Variants in MIX23 observed in about 807,000 individuals in gnomAD.
MIX23 encodes the protein mitochondrial matrix import factor 23, also known as protein MIX23.
A neutral mutation model predicts 21.6 loss-of-function variants in MIX23; 13 were observed. That is an observed-to-expected ratio of 0.60 (90% CI 0.39 to 0.96). The LOEUF is 0.96. Among genes scored for constraint, MIX23 ranks in the 40% least tolerant of loss-of-function variants. MIX23 has a pLI of 0.00. For missense variants in MIX23, 144 were observed against 171.2 expected (o/e 0.84, Z 0.89); for synonymous variants, 59 against 58.0 (o/e 1.02, Z -0.08).
At chr3:122,373,276 G>T (rs1380208708) in intron 1 of MIX23, among the ~76,000 whole-genome samples, 1 of 145,190 alleles carries the variant, frequency 6.9e-6, no homozygotes, top group East Asian at 2.0e-4. Flanking sequence ...TGTCTTGAAA[G>T]TTTTTTTTTT....
At chr3:122,377,824 G>A (rs1272800391) in intron 1 of MIX23, among the ~76,000 whole-genome samples, 2 of 152,142 alleles carry the variant, frequency 1.3e-5, no homozygotes, top group East Asian at 1.9e-4. Flanking sequence ...TCCAGCCTTG[G>A]TGACTATGTC....
chr3:122,361,892 C>G (rs2075361407), intron 4 of MIX23, among the ~76,000 whole-genome samples: 1 of 152,220 alleles, frequency 6.6e-6, no homozygotes, highest in Non-Finnish European at 1.5e-5. Flanking sequence ...CCGGTACATT[C>G]TGGTTTTGGT....
chr3:122,380,066 T>C (rs2075518615), intron 1 of MIX23, among the ~76,000 whole-genome samples: 1 of 152,336 alleles, frequency 6.6e-6, no homozygotes, highest in Middle Eastern at 3.4e-3. Flanking sequence ...CTATAGTCTA[T>C]TCCTAAGATT....
At chr3:122,377,311 G>A (rs1475138579) in intron 1 of MIX23, among the ~76,000 whole-genome samples, 1 of 152,350 alleles carries the variant, frequency 6.6e-6, no homozygotes, top group Non-Finnish European at 1.5e-5. Context: ...GAGTAGAAGA[G>A]TGGAATAGAA....
At chr3:122,366,019 C>CA (rs926947400) in intron 3 of MIX23, among the ~76,000 whole-genome samples, 6 of 150,402 alleles carry the variant, frequency 4.0e-5, no homozygotes, top group Non-Finnish European at 7.4e-5. Flanking sequence ...ACTAAAAATA[C>CA]AAAAAAAAAT....
intron 4 of MIX23, among the ~76,000 whole-genome samples, chr3:122,361,947 T>C (rs2075361698): frequency 6.6e-6 from 1 of 152,244 alleles, no homozygotes; most frequent in Non-Finnish European, 1.5e-5. Flanking sequence ...AACATTCCAG[T>C]AGTTAAATTC....
chr3:122,369,542 C>T (rs2075423074), intron 2 of MIX23, among the ~76,000 whole-genome samples: 1 of 152,166 alleles, frequency 6.6e-6, no homozygotes, highest in African/African-American at 2.4e-5. Context: ...TGGCACAAAG[C>T]TACTTGAAAA....
At chr3:122,382,723 T>C (rs146776425) in intron 1 of MIX23, among the ~76,000 whole-genome samples, 56 of 152,332 alleles carry the variant, frequency 3.7e-4, no homozygotes, top group African/African-American at 1.3e-3. Flanking sequence ...CAAGCTTCCA[T>C]ACGTCCTGTC....
intron 1 of MIX23, among the ~76,000 whole-genome samples, chr3:122,380,631 C>A (rs1251198337): frequency 3.3e-5 from 5 of 152,066 alleles, no homozygotes; most frequent in Non-Finnish European, 4.4e-5. Flanking sequence ...AGAGACATGA[C>A]AAGAGGCACT....
chr3:122,373,753 T>C (rs1237503562), intron 1 of MIX23, among the ~76,000 whole-genome samples: 2 of 152,238 alleles, frequency 1.3e-5, no homozygotes. Context: ...AATTAGTGAA[T>C]TTAATGGCCT....
At position 122,378,930 on chromosome 3, in the gene MIX23, T is replaced by C. The variant is rs140484653; in HGVS notation, c.51+4244A>G. 2.6e-5 allele frequency among the ~76,000 whole-genome samples: 4 copies of C among 152,348 alleles called. No homozygotes were observed. The East Asian group carries it at 7.7e-4, about 29-fold the overall frequency. On this transcript the variant is annotated intron_variant, in intron 1 of 4. Transcript: ENST00000291458. ...ACATTTCAAGTATTCAAGAGCCACC[T>C]GTTGCTAGTGGCTATCATATGGAGA... is the stretch of plus-strand genomic sequence containing the variant.
intron 2 of MIX23, among the ~76,000 whole-genome samples, chr3:122,370,456 CAA>C (rs10660235): frequency 4.1e-5 from 2 of 48,270 alleles, no homozygotes; most frequent in East Asian, 1.2e-3. Context: ...GACACTGTCT[CAA>C]AAAAAAAAAA....
chr3:122,370,320 G>C (rs1052176177), intron 2 of MIX23, among the ~76,000 whole-genome samples: 3 of 151,966 alleles, frequency 2.0e-5, no homozygotes, highest in Non-Finnish European at 2.9e-5. Context: ...AGCCAGGCAT[G>C]GTAGCGTGTG....
At chr3:122,367,481 A>G (rs1289838232) in intron 3 of MIX23, among the ~76,000 whole-genome samples, 1 of 152,186 alleles carries the variant, frequency 6.6e-6, no homozygotes, top group African/African-American at 2.4e-5. Context: ...TCTACATTAT[A>G]GTTGATTTGG....
At position 122,375,436 on chromosome 3, in the gene MIX23, G is replaced by GGTGTTAGA. The variant is rs2075477809; in HGVS notation, c.52-3644_52-3637dup. Among the ~76,000 whole-genome samples the GGTGTTAGA allele has an allele frequency of 8.5e-5, 13 of 152,276 alleles. No individual in the cohort carries two copies. In the South Asian group the frequency reaches 2.7e-3, roughly 32 times the overall value. ...CATTGTCTGTATGTGGCAATAGTAT[G>GGTGTTAGA]GTGTTAGAAAGTTGTAATCTTTTGG... On this transcript the variant is annotated intron_variant, in intron 1 of 4. Coordinates refer to ENST00000291458, the MANE Select transcript of MIX23 (RefSeq NM_001017928.4).
chr3:122,362,813 A>ACCCCCCCC (rs2075368221), intron 4 of MIX23, among the ~76,000 whole-genome samples, 155 bp downstream of exon 4: 1 of 140,818 alleles, frequency 7.1e-6, no homozygotes, highest in Non-Finnish European at 1.5e-5. Context: ...CCTCCCCCCA[A>ACCCCCCCC]CCCCAAAAGG....
intron 3 of MIX23, among the ~76,000 whole-genome samples, chr3:122,367,482 G>C (rs1245391824): frequency 6.6e-6 from 1 of 152,154 alleles, no homozygotes; most frequent in Non-Finnish European, 1.5e-5. Context: ...CTACATTATA[G>C]TTGATTTGGG....
chr3:122,369,976 C>A (rs1464719957), intron 2 of MIX23, among the ~76,000 whole-genome samples: 1 of 152,146 alleles, frequency 6.6e-6, no homozygotes, highest in Non-Finnish European at 1.5e-5. Flanking sequence ...TCTTGAACTC[C>A]TGGACTCAAG....
chr3:122,361,717 A>G (rs2075360235), intron 4 of MIX23, among the ~76,000 whole-genome samples: 1 of 152,142 alleles, frequency 6.6e-6, no homozygotes, highest in Admixed American at 6.6e-5. Context: ...TTTTCCAGAG[A>G]ATATAAATGG....
Sources: gnomAD v4.1 joint callset for allele counts (sites outside exome capture counted in the v4.1 genomes callset) on GRCh38, gnomAD v4.1.1 for gene constraint, MANE v1.5 for transcripts, NCBI Gene and HGNC (gene_info 2026-07-23, HGNC 2026-07-21) for gene names.